Variants in ABCC2 observed in about 807,000 individuals in gnomAD.
The protein encoded by ABCC2 is ATP binding cassette subfamily C member 2, also known as ATP-binding cassette sub-family C member 2.
A neutral mutation model predicts 173.4 loss-of-function variants in ABCC2; 157 were observed. The ratio of observed to expected loss-of-function variants is 0.91; its 90% CI spans 0.80 to 1.03. The LOEUF (loss-of-function observed/expected upper bound fraction) is 1.03, where lower values mean the gene tolerates loss of function less well. Ranked by LOEUF, ABCC2 falls within the 50% of genes least tolerant of loss-of-function variation. ABCC2 has a pLI of 0.00. For synonymous variants in ABCC2, 657 were observed against 693.5 expected, an observed-to-expected ratio of 0.95 and a Z score of 0.83; for missense variants, 1,822 against 1,852.3, an observed-to-expected ratio of 0.98 and a Z score of 0.30.
intron 6 of ABCC2, among the ~76,000 whole-genome samples, chr10:99,796,457 T>G (rs1406228980): frequency 6.6e-6 from 1 of 151,776 alleles, no homozygotes; most frequent in Admixed American, 6.6e-5. Context: ...TAAGCCGAGG[T>G]CGCGCCACTG....
At chr10:99,842,203 C>G in intron 26 of ABCC2, 110 bp downstream of exon 26, 2 of 1,473,414 alleles carry the variant, frequency 1.4e-6, no homozygotes, top group Non-Finnish European at 1.9e-6. Flanking sequence ...CCCAGAGGGA[C>G]TAAAGAAGAC....
rs1564684038 is a variant in ABCC2, at chr10:99,814,248, C to CGT, written c.2094+1105_2094+1106dup. 5.6e-4 allele frequency among the ~76,000 whole-genome samples: 17 copies of CGT among 30,136 alleles called. 4 individuals carry two copies. The highest frequency in any genetic ancestry group is 2.0e-3 in the African/African-American group (17 of 8,596). 19.8% of individuals were successfully genotyped at this position (30,136 alleles called of 152,430 possible). ...ACACACATGTGTATATATGCACACACGTATGTATACACACGTATGTATACA... is the reference window on the plus strand; with the variant it reads ...ACACACATGTGTATATATGCACACACGTGTATGTATACACACGTATGTATACA... On this transcript the variant is annotated intron_variant, in intron 16 of 31. Coordinates refer to ENST00000647814, the MANE Select transcript of ABCC2 (RefSeq NM_000392.5).
intron 23 of ABCC2, 126 bp from the exon 24 acceptor site, chr10:99,834,254 A>G: frequency 1.0e-6 from 1 of 970,716 alleles, no homozygotes; most frequent in East Asian, 2.6e-5. Flanking sequence ...GAACACAATG[A>G]AATGATTACA....
chr10:99,850,496 AG>A (rs1358281491), intron 30 of ABCC2, 105 bp from the exon 31 acceptor site: 22 of 1,098,614 alleles, frequency 2.0e-5, no homozygotes, highest in Middle Eastern at 2.8e-4. Context: ...GGAATTTTGG[AG>A]GGGGGGTTTT....
chr10:99,843,114 C>CT (rs1361782271), intron 26 of ABCC2, among the ~76,000 whole-genome samples: 1 of 151,960 alleles, frequency 6.6e-6, no homozygotes, highest in African/African-American at 2.4e-5. Context: ...CCTAAAAGGA[C>CT]TTTGTTATTC....
intron 19 of ABCC2, among the ~76,000 whole-genome samples, chr10:99,822,403 T>C (rs1169991082): frequency 1.3e-5 from 2 of 151,374 alleles, no homozygotes; most frequent in African/African-American, 2.5e-5. Context: ...TTTGTTCATC[T>C]TGTGAGTCAA....
intron 19 of ABCC2, among the ~76,000 whole-genome samples, chr10:99,821,732 T>G (rs1302242886): frequency 6.6e-6 from 1 of 152,014 alleles, no homozygotes; most frequent in Non-Finnish European, 1.5e-5. Flanking sequence ...CAAAATGGAG[T>G]CTCCCATGTC....
chr10:99,842,844 G>A (rs2038966971), intron 26 of ABCC2, among the ~76,000 whole-genome samples: 1 of 152,182 alleles, frequency 6.6e-6, no homozygotes, highest in African/African-American at 2.4e-5. Context: ...GAGGTCAGGA[G>A]TTTGAGACCA....
At chr10:99,840,677 A>ATTTT (rs1243504985) in intron 25 of ABCC2, among the ~76,000 whole-genome samples, 2 of 151,454 alleles carry the variant, frequency 1.3e-5, no homozygotes, top group Non-Finnish European at 3.0e-5. Flanking sequence ...ACGCCCAGCT[A>ATTTT]TTTTTGTTTG....
chr10:99,803,904 C>A (rs2038052128), intron 9 of ABCC2, 115 bp from the exon 10 acceptor site: 4 of 1,351,280 alleles, frequency 3.0e-6, no homozygotes, highest in Non-Finnish European at 4.2e-6. Context: ...CTTGGAGAAG[C>A]TGTGTCCATA....
intron 23 of ABCC2, among the ~76,000 whole-genome samples, chr10:99,833,552 C>G (rs746233324): frequency 3.3e-5 from 5 of 152,116 alleles, no homozygotes; most frequent in Non-Finnish European, 5.9e-5. Flanking sequence ...GATGGAGACT[C>G]TGTGCCAGGT....
At chr10:99,834,071 G>A (rs1037313306) in intron 23 of ABCC2, among the ~76,000 whole-genome samples, 8 of 152,060 alleles carry the variant, frequency 5.3e-5, no homozygotes, top group Admixed American at 5.2e-4. Context: ...TAGTAGAGAT[G>A]GGATTTCACC....
At chr10:99,791,854 T>G (rs965699691) in intron 2 of ABCC2, among the ~76,000 whole-genome samples, 1 of 152,198 alleles carries the variant, frequency 6.6e-6, no homozygotes, top group Non-Finnish European at 1.5e-5. Flanking sequence ...TAATCCACAT[T>G]GCTTTTTTAT....
chr10:99,821,009 G>A (rs992100980), intron 19 of ABCC2, among the ~76,000 whole-genome samples: 1 of 152,188 alleles, frequency 6.6e-6, no homozygotes, highest in Admixed American at 6.5e-5. Context: ...GGTGTTTCTC[G>A]AAGAGGGGGA....
intron 2 of ABCC2, 101 bp downstream of exon 2, chr10:99,784,882 C>A (rs2037679301): frequency 1.4e-6 from 2 of 1,440,288 alleles, no homozygotes; most frequent in Non-Finnish European, 1.9e-6. Context: ...AAGCAGCTGT[C>A]CCAGGTGCCA....
chr10:99,847,240 T>C lies in ABCC2; in HGVS notation c.4313+113T>C, dbSNP rs1363260767. ...GCATAGAATTTTCATCCAGGTCTGATTCCTAAAGTGTAAAATGAACCTGTT... is the reference window on the plus strand; with the variant it reads ...GCATAGAATTTTCATCCAGGTCTGACTCCTAAAGTGTAAAATGAACCTGTT... On this transcript the variant is annotated intron_variant, in intron 30 of 31. Transcript: ENST00000647814. 4.1e-6 allele frequency: 5 copies of C among 1,219,918 alleles called. No homozygotes were observed. In the Admixed American group the frequency reaches 9.5e-5, roughly 23 times the overall value. The allele number at this position is 1,219,918 out of a possible 1,614,324, so 75.6% of individuals were successfully genotyped here.
At chr10:99,822,264 G>C (rs554636042) in intron 19 of ABCC2, among the ~76,000 whole-genome samples, 1 of 152,134 alleles carries the variant, frequency 6.6e-6, no homozygotes, top group African/African-American at 2.4e-5. Context: ...TACTCTCTGG[G>C]GTTTGTGTCA....
At chr10:99,802,050 C>A (rs1212863967) in intron 9 of ABCC2, among the ~76,000 whole-genome samples, 1 of 152,204 alleles carries the variant, frequency 6.6e-6, no homozygotes. Flanking sequence ...ACTAACCAGC[C>A]TGTCTCAGCC....
At chr10:99,796,173 G>A (rs1590146006) in intron 6 of ABCC2, among the ~76,000 whole-genome samples, 1 of 152,182 alleles carries the variant, frequency 6.6e-6, no homozygotes, top group African/African-American at 2.4e-5. Context: ...GAACAGCCTG[G>A]CTAACACGGT....
Sources: allele counts gnomAD v4.1 joint callset (sites outside exome capture counted in the v4.1 genomes callset), GRCh38; gene constraint gnomAD v4.1.1; transcripts MANE v1.5; gene names NCBI Gene and HGNC (gene_info 2026-07-23, HGNC 2026-07-21).